Variants in C12orf54 observed in about 807,000 individuals in gnomAD.
The protein encoded by C12orf54 is uncharacterized protein C12orf54.
In C12orf54, 24 loss-of-function variants were observed where a neutral mutation model predicts 26.4. The ratio of observed to expected loss-of-function variants is 0.91; its 90% CI spans 0.66 to 1.28. The LOEUF (loss-of-function observed/expected upper bound fraction) is 1.28, where lower values mean the gene tolerates loss of function less well. Among genes scored for constraint, C12orf54 ranks in the 50% most tolerant of loss-of-function variants. C12orf54 has a pLI of 0.00. For synonymous variants in C12orf54, 54 were observed against 47.0 expected (o/e 1.15, Z -0.61); for missense variants, 154 against 150.9 (o/e 1.02, Z -0.11).
the C12orf54 span, among the ~76,000 whole-genome samples, chr12:48,432,061 A>G: frequency 6.6e-6 from 1 of 152,214 alleles, no homozygotes; most frequent in East Asian, 1.9e-4. Context: ...CAAATAGGAA[A>G]TTCCTAAGTT....
chr12:48,441,630 G>C, the C12orf54 span, among the ~76,000 whole-genome samples: 2 of 152,134 alleles, frequency 1.3e-5, no homozygotes, highest in Admixed American at 6.6e-5. Context: ...TCTCTTGGAA[G>C]CATATTGAAC....
At chr12:48,470,470 G>T in the C12orf54 span, among the ~76,000 whole-genome samples, 1 of 151,906 alleles carries the variant, frequency 6.6e-6, no homozygotes, top group Non-Finnish European at 1.5e-5. Context: ...ACTTGTGTGT[G>T]TTCTTTCGAG....
chr12:48,436,724 T>C, the C12orf54 span, among the ~76,000 whole-genome samples: 1 of 151,942 alleles, frequency 6.6e-6, no homozygotes. Context: ...AAAGACACAA[T>C]ATACCAGAAT....
chr12:48,442,014 T>G, the C12orf54 span: 6 of 152,246 alleles, frequency 3.9e-5, no homozygotes, highest in Non-Finnish European at 8.8e-5. Flanking sequence ...TCTGATTTCA[T>G]AAGTCTATTG....
chr12:48,436,546 T>G, the C12orf54 span, among the ~76,000 whole-genome samples: 1 of 151,026 alleles, frequency 6.6e-6, no homozygotes. Context: ...GAACAGAAAT[T>G]ATAACTGTCT....
chr12:48,457,360 G>A, the C12orf54 span, among the ~76,000 whole-genome samples: 1 of 151,858 alleles, frequency 6.6e-6, no homozygotes, highest in Non-Finnish European at 1.5e-5. Flanking sequence ...TTGAGATGGA[G>A]TTTCACTCTG....
chr12:48,454,436 G>A, the C12orf54 span, among the ~76,000 whole-genome samples: 4 of 152,052 alleles, frequency 2.6e-5, no homozygotes, highest in Admixed American at 6.6e-5. Context: ...GATTGGACAG[G>A]CTGCATAGTC....
At chr12:48,425,629 T>A in the C12orf54 span, among the ~76,000 whole-genome samples, 2 of 152,210 alleles carry the variant, frequency 1.3e-5, no homozygotes, top group Admixed American at 1.3e-4. Context: ...AGTCCTGTTT[T>A]TAGCTATTTG....
At chr12:48,440,990 G>A in the C12orf54 span, among the ~76,000 whole-genome samples, 1 of 152,262 alleles carries the variant, frequency 6.6e-6, no homozygotes, top group South Asian at 2.1e-4. Context: ...AAGAAAACAG[G>A]CATTTGTGCA....
the C12orf54 span, among the ~76,000 whole-genome samples, chr12:48,423,271 T>C: frequency 6.6e-6 from 1 of 152,136 alleles, no homozygotes; most frequent in Non-Finnish European, 1.5e-5. Context: ...TAGTTGACTA[T>C]ATAAAATTAA....
At position 48,486,202 on chromosome 12, in the gene C12orf54, A is replaced by G. The variant is rs1182533060; in HGVS notation, c.90A>G (p.Arg30=). The change falls in exon 3 of 9, where the codon AGA becomes AGG. Residue 30 remains arginine, a synonymous_variant. Coordinates refer to ENST00000548364, the MANE Select transcript of C12orf54 (RefSeq NM_152319.4). ...GCACATCCATAGAAGAGACAATGAG[A>G]CCACAGGTGGGTAAGGTATCCAAAT... The part of the protein sequence containing the change: ...QRSTSIEETM[R]PQEKQVTITE... 6.2e-7 allele frequency: 1 copy of G among 1,610,756 alleles called. No homozygotes were observed.
chr12:48,443,548 A>C, the C12orf54 span, among the ~76,000 whole-genome samples: 1 of 152,234 alleles, frequency 6.6e-6, no homozygotes, highest in South Asian at 2.1e-4. Flanking sequence ...GAGAGAAGGC[A>C]GCACAGAGAG....
At chr12:48,427,826 C>A in the C12orf54 span, among the ~76,000 whole-genome samples, 1 of 152,008 alleles carries the variant, frequency 6.6e-6, no homozygotes, top group African/African-American at 2.4e-5. Context: ...ATGAACTTAA[C>A]AGGTGTATAT....
intron 4 of C12orf54, 81 bp from the exon 5 acceptor site, chr12:48,488,843 C>A: frequency 7.9e-7 from 1 of 1,273,312 alleles, no homozygotes. Context: ...GACTAGGTAA[C>A]TTAATTTTAT....
At chr12:48,432,772 G>A in the C12orf54 span, among the ~76,000 whole-genome samples, 1 of 152,008 alleles carries the variant, frequency 6.6e-6, no homozygotes, top group Admixed American at 6.6e-5. Context: ...GGGAGCCTGA[G>A]GCAGGAAAAT....
the C12orf54 span, among the ~76,000 whole-genome samples, chr12:48,458,568 G>T: frequency 6.6e-6 from 1 of 152,244 alleles, no homozygotes; most frequent in South Asian, 2.1e-4. Flanking sequence ...CAAGGACAGG[G>T]ACCAGTCTCC....
At chr12:48,440,157 G>A in the C12orf54 span, among the ~76,000 whole-genome samples, 127 of 151,966 alleles carry the variant, frequency 8.4e-4, 1 homozygote, top group African/African-American at 1.1e-3. Context: ...CCTGGGAGGC[G>A]GAGGTTGCAG....
chr12:48,456,596 G>A, the C12orf54 span, among the ~76,000 whole-genome samples: 2 of 152,122 alleles, frequency 1.3e-5, no homozygotes, highest in African/African-American at 4.8e-5. Context: ...CCTTGGGAAA[G>A]CTATTTCTCT....
the C12orf54 span, among the ~76,000 whole-genome samples, chr12:48,440,651 C>A: frequency 1.3e-5 from 2 of 152,112 alleles, no homozygotes; most frequent in Admixed American, 6.5e-5. Context: ...ATACATAGGT[C>A]CCCTCATAGC....
Sources: allele counts gnomAD v4.1 joint callset (sites outside exome capture counted in the v4.1 genomes callset), GRCh38; gene constraint gnomAD v4.1.1; transcripts MANE v1.5; gene names NCBI Gene and HGNC (gene_info 2026-07-23, HGNC 2026-07-21).